RAN: variants seen among roughly 807,000 people sequenced by gnomAD.
RAN encodes RAN, member RAS oncogene family.
In RAN, 2 loss-of-function variants were observed where a neutral mutation model predicts 26.8. The ratio of observed to expected loss-of-function variants is 0.07; its 90% CI spans 0.03 to 0.23. The LOEUF (loss-of-function observed/expected upper bound fraction) is 0.23. Among genes scored for constraint, RAN ranks in the 10% least tolerant of loss-of-function variants. The pLI, the probability that RAN is intolerant of heterozygous loss-of-function variation, is 1.00. For synonymous variants in RAN, 132 were observed against 95.9 expected (o/e 1.38, Z -2.20); for missense variants, 56 against 264.8 (o/e 0.21, Z 5.47).
rs1318809499 is a variant in RAN at position 130,876,908 on chromosome 12, C to T, written c.*982C>T. On this transcript the variant is annotated 3_prime_UTR_variant, in exon 7 of 7. Coordinates refer to ENST00000543796, the MANE Select transcript of RAN (RefSeq NM_006325.5). ...TTAAGTTCTTCAGCAGTTCACACTA[C>T]ACCGTTTTTTTGTTTTTTTTTCCCC... 3 of 152,100 alleles carry T rather than the reference C, an allele frequency of 2.0e-5. No homozygotes were observed. The highest frequency in any genetic ancestry group is 3.8e-4 in the East Asian group (2 of 5,198). 9.4% of individuals were successfully genotyped at this position (152,100 alleles called of 1,614,324 possible).
intron 4 of RAN, 85 bp from the exon 5 acceptor site, chr12:130,874,461 C>T (rs1166289501): frequency 3.6e-6 from 4 of 1,100,806 alleles, no homozygotes; most frequent in Non-Finnish European, 5.3e-6. Flanking sequence ...AAGACTATAA[C>T]TAGTTGAATC....
chr12:130,872,729 C>A, intron 2 of RAN, 100 bp downstream of exon 2: 2 of 1,563,838 alleles, frequency 1.3e-6, no homozygotes, highest in Non-Finnish European at 8.7e-7. Flanking sequence ...GGCCCCGCAT[C>A]CACATTCTTT....
In RAN at chr12:130,875,997, C is replaced by A; in HGVS notation, c.*71C>A. The A allele has an allele frequency of 1.4e-6, 2 of 1,474,984 alleles. No homozygotes were observed. Among genetic ancestry groups the A allele is most frequent in the East Asian group, 2.3e-5 (1 of 44,188 alleles). 91.4% of individuals were successfully genotyped at this position (1,474,984 alleles called of 1,614,324 possible). On this transcript the variant is annotated 3_prime_UTR_variant, in exon 7 of 7. Transcript: ENST00000543796. ...CTGTCCTGTGATGTCAGCGGTGCAG[C>A]GTGTGTGCCACCTCATTATTATCTA...
rs1196405026 is a variant in RAN at position 130,875,777 on chromosome 12, T to C, written c.601T>C (p.Leu201=). ...TTTGGCAGCACAGTATGAGCACGAC[T>C]TAGAGGTATTGTGGCCACTTTGCTG... ...PALAAQYEHD[L]EVAQTTALPD... Residue 201 remains leucine (L), a synonymous_variant, in exon 6 of 7, where the codon TTA becomes CTA. Coordinates refer to ENST00000543796, the MANE Select transcript of RAN (RefSeq NM_006325.5). 20 of 1,614,092 alleles carry C rather than the reference T, an allele frequency of 1.2e-5. 1 individual carries two copies. The East Asian group carries it at 4.2e-4, about 34-fold the overall frequency.
chr12:130,873,256 T>C (rs1953172895), intron 4 of RAN, 128 bp downstream of exon 4: 1 of 1,312,164 alleles, frequency 7.6e-7, no homozygotes, highest in Admixed American at 2.3e-5. Flanking sequence ...CAAGTGGACT[T>C]CGGGGAGTTG....
At chr12:130,872,424 G>A in intron 1 of RAN, 160 bp from the exon 2 acceptor site, 1 of 223,398 alleles carries the variant, frequency 4.5e-6, no homozygotes, top group Non-Finnish European at 7.9e-6. Flanking sequence ...CCGGATGCCG[G>A]CCCCGCCCGC....
At chr12:130,874,524 A>AT (rs1212506440) in intron 4 of RAN, 22 bp from the exon 5 acceptor site, 2 of 1,530,688 alleles carry the variant, frequency 1.3e-6, no homozygotes, top group Non-Finnish European at 1.8e-6. Flanking sequence ...GAGTGTACTA[A>AT]TTCCCACAAA....
rs1326940824 is a variant in RAN, at chr12:130,872,130, T to G, written c.-11+4T>G. On this transcript the variant is annotated splice_donor_region_variant and intron_variant, in intron 1 of 6. Coordinates refer to ENST00000543796, the MANE Select transcript of RAN (RefSeq NM_006325.5). ...GGCGCGGAGACGCTTCTGGAAGGTA[T>G]CGCGACCCGGCGGGCCCGGCACGGC... The G allele has an allele frequency of 4.0e-6, 1 of 252,840 alleles. No homozygotes were observed. The highest frequency in any genetic ancestry group is 8.7e-6 in the Non-Finnish European group (1 of 115,334). 15.7% of individuals were successfully genotyped at this position (252,840 alleles called of 1,614,324 possible).
chr12:130,875,847 C>A, intron 6 of RAN, 35 bp from the exon 7 acceptor site: 6 of 1,614,088 alleles, frequency 3.7e-6, no homozygotes, highest in Non-Finnish European at 5.1e-6. Flanking sequence ...CAGTTTTGAT[C>A]TGGAGTGTTA....
rs760638886 is a variant in RAN, at chr12:130,873,329, C to G, written c.247+201C>G. 1.5e-4 allele frequency: 90 copies of G among 594,626 alleles called. 2 individuals carry two copies. The highest frequency in any genetic ancestry group is 1.2e-3 in the South Asian group (59 of 48,922). The allele number at this position is 594,626 out of a possible 1,614,324, so 36.8% of individuals were successfully genotyped here. A position where few individuals can be genotyped will look rare whatever the true frequency, so the allele number is the denominator to read the frequency against. On this transcript the variant is annotated intron_variant, in intron 4 of 6. Transcript: ENST00000543796. ...TGTGTCATTTGCATGCTGTGTCATG[C>G]TAGGCATGCTTTAGAAAAAACTATG...
At chr12:130,874,464 G>A (rs1953200816) in intron 4 of RAN, 82 bp from the exon 5 acceptor site, 5 of 1,167,310 alleles carry the variant, frequency 4.3e-6, no homozygotes, top group Non-Finnish European at 6.1e-6. Flanking sequence ...ACTATAACTA[G>A]TTGAATCCTA....
At chr12:130,873,586 G>A (rs995493063) in intron 4 of RAN, 1 of 165,366 alleles carries the variant, frequency 6.0e-6, no homozygotes, top group African/African-American at 2.4e-5. Context: ...ACTAAGTTGT[G>A]CAGAGTATTT....
rs751492702 is a variant in RAN, at chr12:130,874,518, G to A, written c.248-28G>A. 12 of 1,505,408 alleles carry A rather than the reference G, an allele frequency of 8.0e-6. No individual in the cohort carries two copies. In the East Asian group the frequency reaches 2.3e-4, roughly 28 times the overall value. The allele number at this position is 1,505,408 out of a possible 1,614,324, so 93.3% of individuals were successfully genotyped here. A position where few individuals can be genotyped will look rare whatever the true frequency, so the allele number is the denominator to read the frequency against. Reference sequence around the variant, plus strand: ...TCTTCACTTGTGCAGTAAACTGAGTGTACTAATTCCCACAAATGTTTCTTC... The same window carrying A: ...TCTTCACTTGTGCAGTAAACTGAGTATACTAATTCCCACAAATGTTTCTTC... On this transcript the variant is annotated intron_variant, in intron 4 of 6. Coordinates refer to ENST00000543796, the MANE Select transcript of RAN (RefSeq NM_006325.5).
Position 130,876,236 on chromosome 12 carries a change from T to G in RAN, c.*310T>G. The G allele has an allele frequency of 2.9e-6, 1 of 350,136 alleles. No individual in the cohort carries two copies. Among genetic ancestry groups the G allele is most frequent in the Non-Finnish European group, 5.2e-6 (1 of 191,864 alleles). The allele number at this position is 350,136 out of a possible 1,614,324, so 21.7% of individuals were successfully genotyped here. Reference sequence around the variant, plus strand: ...TCTTGTTTGTTACTGTCATTCCCATTCCTTTTCGTTTAGAATCAGAATAAA... The same window carrying G: ...TCTTGTTTGTTACTGTCATTCCCATGCCTTTTCGTTTAGAATCAGAATAAA... On this transcript the variant is annotated 3_prime_UTR_variant, in exon 7 of 7. Coordinates refer to ENST00000543796, the MANE Select transcript of RAN (RefSeq NM_006325.5).
intron 4 of RAN, 30 bp from the exon 5 acceptor site, chr12:130,874,516 G>A (rs767199468): frequency 1.3e-6 from 2 of 1,501,068 alleles, no homozygotes; most frequent in Non-Finnish European, 1.8e-6. Context: ...AGTAAACTGA[G>A]TGTACTAATT....
intron 4 of RAN, chr12:130,873,413 T>G (rs754329174): frequency 5.9e-6 from 2 of 338,530 alleles, no homozygotes; most frequent in Non-Finnish European, 1.1e-5. Flanking sequence ...AACAGCAGTT[T>G]CAGTATTTGG....
intron 5 of RAN, among the ~76,000 whole-genome samples, chr12:130,875,101 C>T (rs1953214365): frequency 6.6e-6 from 1 of 152,224 alleles, no homozygotes; most frequent in African/African-American, 2.4e-5. Context: ...GCTGGGATTA[C>T]AGGCATGAGC....
Position 130,872,139 on chromosome 12 carries a change from G to A in RAN, c.-11+13G>A, listed in dbSNP as rs1225507061. 1 of 231,122 alleles carries A rather than the reference G, an allele frequency of 4.3e-6. No individual in the cohort carries two copies. Among genetic ancestry groups the A allele is most frequent in the South Asian group, 3.8e-5 (1 of 26,562 alleles). The allele number at this position is 231,122 out of a possible 1,614,324, so 14.3% of individuals were successfully genotyped here. On this transcript the variant is annotated intron_variant, in intron 1 of 6. Coordinates refer to ENST00000543796, the MANE Select transcript of RAN (RefSeq NM_006325.5). ...ACGCTTCTGGAAGGTATCGCGACCCGGCGGGCCCGGCACGGCCGGGCGGGG... is the reference window on the plus strand; with the variant it reads ...ACGCTTCTGGAAGGTATCGCGACCCAGCGGGCCCGGCACGGCCGGGCGGGG...
At chr12:130,872,474 G>T (rs1953154537) in intron 1 of RAN, 110 bp from the exon 2 acceptor site, 1 of 694,060 alleles carries the variant, frequency 1.4e-6, no homozygotes, top group Non-Finnish European at 1.9e-6. Context: ...TGGCGCCGCG[G>T]GCGGGAGGCC....
Sources: allele counts gnomAD v4.1 joint callset (sites outside exome capture counted in the v4.1 genomes callset), GRCh38; gene constraint gnomAD v4.1.1; transcripts MANE v1.5; gene names NCBI Gene and HGNC (gene_info 2026-07-23, HGNC 2026-07-21).